Variants in LOC112694756 observed in about 807,000 individuals in gnomAD.
chr16:30,064,360 G>A, the LOC112694756 span: 1 of 398,782 alleles, frequency 2.5e-6, no homozygotes, highest in East Asian at 3.6e-5. Context: ...ATTAGAGAAG[G>A]AGCCAGGGAG....
the LOC112694756 span, among the ~76,000 whole-genome samples, chr16:30,062,826 GTGAAACTCCATC>G: frequency 6.7e-6 from 1 of 149,300 alleles, no homozygotes; most frequent in African/African-American, 2.5e-5. Flanking sequence ...GGCAACAGGA[GTGAAACTCCATC>G]TCGGAAAAAA....
the LOC112694756 span, chr16:30,067,178 G>T: frequency 3.1e-6 from 5 of 1,609,550 alleles, no homozygotes. Flanking sequence ...CTGGTCATCG[G>T]GAGATGATGG....
chr16:30,060,206 T>C, the LOC112694756 span, among the ~76,000 whole-genome samples: 2 of 152,168 alleles, frequency 1.3e-5, no homozygotes, highest in Non-Finnish European at 2.9e-5. Context: ...CTTGAACTCC[T>C]GATCTCAGAT....
the LOC112694756 span, chr16:30,066,792 C>T: frequency 1.4e-5 from 19 of 1,393,982 alleles, no homozygotes; most frequent in African/African-American, 2.3e-4. Flanking sequence ...AGACCTTTCC[C>T]ATATCTGGGC....
chr16:30,066,791 C>T, the LOC112694756 span: 9 of 1,390,692 alleles, frequency 6.5e-6, no homozygotes, highest in African/African-American at 4.4e-5. Flanking sequence ...CAGACCTTTC[C>T]CATATCTGGG....
chr16:30,058,677 G>A, the LOC112694756 span, among the ~76,000 whole-genome samples: 1 of 151,830 alleles, frequency 6.6e-6, no homozygotes, highest in Non-Finnish European at 1.5e-5. Flanking sequence ...AGTAGAGATG[G>A]GGTTTCGTGT....
the LOC112694756 span, among the ~76,000 whole-genome samples, chr16:30,062,489 G>A: frequency 7.2e-6 from 1 of 139,006 alleles, no homozygotes; most frequent in Non-Finnish European, 1.5e-5. Flanking sequence ...CCGAGACCGC[G>A]CCATGGCACT....
chr16:30,063,187 A>G, the LOC112694756 span, among the ~76,000 whole-genome samples: 1 of 152,140 alleles, frequency 6.6e-6, no homozygotes, highest in East Asian at 1.9e-4. Flanking sequence ...ATTTTCAAAG[A>G]TACCTGTAAA....
chr16:30,070,013 A>G, the LOC112694756 span: 2 of 1,613,802 alleles, frequency 1.2e-6, no homozygotes, highest in Non-Finnish European at 1.7e-6. Flanking sequence ...CAGGAGGAGT[A>G]TGTCAAGCGA....
chr16:30,061,548 C>CTTTTTTTTT, the LOC112694756 span, among the ~76,000 whole-genome samples: 6 of 65,624 alleles, frequency 9.1e-5, no homozygotes, highest in African/African-American at 1.6e-4. Context: ...CCTCCATTTC[C>CTTTTTTTTT]TTTTTTTTTT....
the LOC112694756 span, among the ~76,000 whole-genome samples, chr16:30,062,546 A>G: frequency 6.6e-6 from 1 of 150,968 alleles, no homozygotes; most frequent in African/African-American, 2.4e-5. Flanking sequence ...AAAAAAAAAA[A>G]AAGTACAAAA....
chr16:30,065,570 AG>A, the LOC112694756 span: 14 of 151,446 alleles, frequency 9.2e-5, no homozygotes, highest in Non-Finnish European at 1.3e-4. Flanking sequence ...GTCACGTCCG[AG>A]GGGGGTGGGG....
At chr16:30,067,283 C>T in the LOC112694756 span, 48 of 1,612,610 alleles carry the variant, frequency 3.0e-5, no homozygotes, top group South Asian at 1.8e-4. Flanking sequence ...GCACTGACCC[C>T]GGAGCAGAAG....
the LOC112694756 span, among the ~76,000 whole-genome samples, chr16:30,059,269 G>T: frequency 6.6e-6 from 1 of 151,914 alleles, no homozygotes; most frequent in East Asian, 2.0e-4. Context: ...AGGCCAAGGC[G>T]GGCAGATCAC....
chr16:30,068,790 G>A, the LOC112694756 span: 42 of 1,614,076 alleles, frequency 2.6e-5, no homozygotes, highest in Middle Eastern at 1.6e-4. Flanking sequence ...CCTCCCCACC[G>A]TGCTCTGACC....
At chr16:30,069,495 C>G in the LOC112694756 span, 3 of 1,614,118 alleles carry the variant, frequency 1.9e-6, no homozygotes, top group Non-Finnish European at 2.5e-6. Context: ...CTGCTCTGCT[C>G]CAGGTGCTGG....
chr16:30,068,591 A>T, the LOC112694756 span: 1 of 1,592,858 alleles, frequency 6.3e-7, no homozygotes, highest in Non-Finnish European at 8.6e-7. Context: ...CGACAGTGGA[A>T]AGGGTGCTAG....
the LOC112694756 span, chr16:30,068,035 A>G: frequency 3.8e-6 from 1 of 261,924 alleles, no homozygotes; most frequent in Non-Finnish European, 7.4e-6. Flanking sequence ...GTAACTAAGT[A>G]TTTGAGTAAC....
At chr16:30,057,648 G>A in the LOC112694756 span, among the ~76,000 whole-genome samples, 1 of 152,148 alleles carries the variant, frequency 6.6e-6, no homozygotes, top group Non-Finnish European at 1.5e-5. Flanking sequence ...CAGTTTTGAA[G>A]TAAATTGTGG....
Sources: allele counts gnomAD v4.1 joint callset (sites outside exome capture counted in the v4.1 genomes callset), GRCh38; gene constraint gnomAD v4.1.1; transcripts MANE v1.5.